Variants in ARHGAP39 observed in about 807,000 individuals in gnomAD.
ARHGAP39 encodes the protein rho GTPase-activating protein 39.
Under a neutral mutation model 106.9 loss-of-function variants are expected in ARHGAP39, and 44 were observed. The ratio of observed to expected loss-of-function variants is 0.41; its 90% CI spans 0.32 to 0.53. The LOEUF (loss-of-function observed/expected upper bound fraction) is 0.53. Ranked by LOEUF, ARHGAP39 falls within the 20% of genes least tolerant of loss-of-function variation. The probability of loss-of-function intolerance (pLI) is 0.21; values close to 1 mark genes in which losing one functional copy is unlikely to be tolerated. For missense variants in ARHGAP39, 1,496 were observed against 1,577.3 expected, an observed-to-expected ratio of 0.95 and a Z score of 0.87; for synonymous variants, 768 against 693.2, an observed-to-expected ratio of 1.11 and a Z score of -1.69.
At chr8:144,680,821 T>C (rs190131178) in intron 1 of ARHGAP39, among the ~76,000 whole-genome samples, 22 of 152,284 alleles carry the variant, frequency 1.4e-4, no homozygotes, top group African/African-American at 5.3e-4. Flanking sequence ...ACACGAACTA[T>C]GTCAAAGACT....
intron 1 of ARHGAP39, among the ~76,000 whole-genome samples, chr8:144,662,622 C>T (rs375710562): frequency 8.7e-5 from 13 of 149,960 alleles, no homozygotes; most frequent in East Asian, 2.0e-4. Flanking sequence ...CACCTTGGGC[C>T]GCTCCCCACT....
At chr8:144,640,627 A>G (rs1821288068) in intron 1 of ARHGAP39, among the ~76,000 whole-genome samples, 2 of 152,206 alleles carry the variant, frequency 1.3e-5, no homozygotes, top group Admixed American at 1.3e-4. Context: ...AATACAGCAC[A>G]CTTACAAAGC....
At chr8:144,633,151 GT>G (rs111395699) in intron 1 of ARHGAP39, among the ~76,000 whole-genome samples, 82 of 148,398 alleles carry the variant, frequency 5.5e-4, no homozygotes, top group African/African-American at 1.7e-3. Context: ...TTTTTTGTTT[GT>G]TTGTTTGTTT....
In ARHGAP39 at chr8:144,591,266, G is replaced by A. The variant is rs993384745; in HGVS notation, c.81-9989C>T. 2.0e-5 allele frequency among the ~76,000 whole-genome samples: 3 copies of A among 152,206 alleles called. No homozygotes were observed. The highest frequency in any genetic ancestry group is 4.4e-5 in the Non-Finnish European group (3 of 68,038). ...GCTCCCGTGAGCACAGACCTGCAGG[G>A]GAGGGTGGCGCGTGTGAGGAGCACC... On this transcript the variant is annotated intron_variant, in intron 2 of 11. Transcript: ENST00000377307. This position sits in a 1 kb window ranked among gnomAD's most constrained non-coding sequence, Gnocchi z 5.3.
intron 6 of ARHGAP39, among the ~76,000 whole-genome samples, chr8:144,542,335 C>T (rs919397715): frequency 1.3e-5 from 2 of 152,222 alleles, no homozygotes; most frequent in African/African-American, 4.8e-5. Context: ...CGTGGGGCCT[C>T]AGTCCCCGAG....
intron 7 of ARHGAP39, among the ~76,000 whole-genome samples, chr8:144,535,494 C>G (rs529681313): frequency 6.6e-6 from 1 of 152,202 alleles, no homozygotes; most frequent in Non-Finnish European, 1.5e-5. Flanking sequence ...ATGGTGCCCA[C>G]GCACACTGGA....
At position 144,530,475 on chromosome 8, in the gene ARHGAP39, G is replaced by A. The variant is rs946965434; in HGVS notation, c.3292C>T (p.Leu1098=). The A allele has an allele frequency of 5.6e-6, 9 of 1,611,428 alleles. No individual in the cohort carries two copies. Among genetic ancestry groups the A allele is most frequent in the South Asian group, 1.1e-5 (1 of 90,816 alleles). The part of the protein sequence containing the change: ...FENTRKEMSF[L]RVLIQHLDTS... Reference sequence around the variant, plus strand: ...TCCAGGTGCTGGATGAGCACCCGCAGGAAGGACATCTCCTTGCGGGTGTTC... The same window carrying A: ...TCCAGGTGCTGGATGAGCACCCGCAAGAAGGACATCTCCTTGCGGGTGTTC... Residue 1098 remains leucine, a synonymous_variant, in exon 12 of 12, where the codon CTG becomes TTG. Transcript: ENST00000377307.
chr8:144,536,697 T>C (rs1428932556), intron 7 of ARHGAP39, among the ~76,000 whole-genome samples: 1 of 152,134 alleles, frequency 6.6e-6, no homozygotes. Context: ...GACCTGCTGG[T>C]GGCAGCCTCG....
At chr8:144,580,094 G>C (rs1026081372) in intron 3 of ARHGAP39, among the ~76,000 whole-genome samples, 1 of 151,870 alleles carries the variant, frequency 6.6e-6, no homozygotes. Context: ...CGCTTCCCAC[G>C]GTGCACTCAC....
chr8:144,699,983 G>A, the ARHGAP39 span, among the ~76,000 whole-genome samples: 1 of 152,160 alleles, frequency 6.6e-6, no homozygotes, highest in South Asian at 2.1e-4. Context: ...AACAAACGGG[G>A]CCGTATCTCA....
chr8:144,581,534 C>T (rs1212008033), intron 2 of ARHGAP39, among the ~76,000 whole-genome samples: 1 of 152,240 alleles, frequency 6.6e-6, no homozygotes, highest in Non-Finnish European at 1.5e-5. Flanking sequence ...TAGGGACATA[C>T]TGGCTGTGGT....
chr8:144,618,806 C>G (rs988566135), intron 1 of ARHGAP39, among the ~76,000 whole-genome samples: 1 of 152,276 alleles, frequency 6.6e-6, no homozygotes, highest in Non-Finnish European at 1.5e-5. Context: ...CAGCCCCCGG[C>G]ACTGCCTACC....
rs1251206494 is a variant in ARHGAP39 at position 144,547,915 on chromosome 8, C to G, written c.1171G>C (p.Gly391Arg). 2 of 1,584,006 alleles carry G rather than the reference C, an allele frequency of 1.3e-6. No homozygotes were observed. The highest frequency in any genetic ancestry group is 3.6e-5 in the Admixed American group (2 of 55,452). ...RFLSLEYSPA[G>R]KEYVRQLVYV... ...ACCAGCTGCCGCACGTACTCCTTGC[C>G]GGCGGGACTGTACTCCAGGCTCAGG... Residue 391 changes from glycine (G) to arginine (R), a missense_variant, in exon 5 of 12, where the codon GGC (glycine) becomes CGC (arginine). Coordinates refer to ENST00000377307, the MANE Select transcript of ARHGAP39 (RefSeq NM_025251.3). The surrounding 1 kb of genome is among the most constrained non-coding windows in gnomAD (Gnocchi z 5.2).
intron 2 of ARHGAP39, among the ~76,000 whole-genome samples, chr8:144,594,757 CAT>C (rs200808552): frequency 0.016 from 2,424 of 150,558 alleles, 55 homozygotes; most frequent in African/African-American, 0.051. Flanking sequence ...TGGTGGCAAA[CAT>C]GTGTAGTCCC....
chr8:144,692,809 C>T, the ARHGAP39 span, among the ~76,000 whole-genome samples: 1 of 135,344 alleles, frequency 7.4e-6, no homozygotes, highest in Non-Finnish European at 1.5e-5. Flanking sequence ...CCCCAGGCTG[C>T]AGTGCAATGG....
At chr8:144,542,536 A>G (rs1249835565) in intron 6 of ARHGAP39, among the ~76,000 whole-genome samples, 1 of 152,132 alleles carries the variant, frequency 6.6e-6, no homozygotes, top group Non-Finnish European at 1.5e-5. Context: ...AGTACAGGCT[A>G]TATCCGACAT....
At position 144,530,198 on chromosome 8, in the gene ARHGAP39, C is replaced by G; in HGVS notation, c.*224G>C. 3.6e-6 allele frequency: 2 copies of G among 555,806 alleles called. No individual in the cohort carries two copies. The highest frequency in any genetic ancestry group is 6.3e-6 in the Non-Finnish European group (2 of 316,762). 34.4% of individuals were successfully genotyped at this position (555,806 alleles called of 1,614,324 possible). Reference sequence around the variant, plus strand: ...CGAGGCGGTGCCCGCGGGAACTGGCCGTGAGGTGGGGGGCCAGAGGCGCCC... The same window carrying G: ...CGAGGCGGTGCCCGCGGGAACTGGCGGTGAGGTGGGGGGCCAGAGGCGCCC... On this transcript the variant is annotated 3_prime_UTR_variant, in exon 12 of 12. Transcript: ENST00000377307.
intron 1 of ARHGAP39, among the ~76,000 whole-genome samples, chr8:144,627,921 G>A (rs1820966119): frequency 2.0e-5 from 3 of 152,208 alleles, no homozygotes; most frequent in Non-Finnish European, 2.9e-5. Context: ...CAGCATGGGA[G>A]CCTTGCCCCT....
At chr8:144,534,721 TACC>T (rs1816884812) in intron 7 of ARHGAP39, among the ~76,000 whole-genome samples, 1 of 152,202 alleles carries the variant, frequency 6.6e-6, no homozygotes, top group South Asian at 2.1e-4. Flanking sequence ...GGGCCTGAAG[TACC>T]ACCTCTGGGC....
Sources: allele counts gnomAD v4.1 joint callset (sites outside exome capture counted in the v4.1 genomes callset), GRCh38; gene constraint gnomAD v4.1.1; non-coding constraint Gnocchi (gnomAD v3.1); transcripts MANE v1.5; gene names NCBI Gene and HGNC (gene_info 2026-07-23, HGNC 2026-07-21).